Variants in CMTM4 observed in about 807,000 individuals in gnomAD.
The protein encoded by CMTM4 is CKLF like MARVEL transmembrane domain containing 4.
CMTM4 carries 8 observed loss-of-function variants against 19.0 expected under a neutral mutation model. That is an observed-to-expected ratio of 0.42 (90% confidence interval 0.25 to 0.76). The LOEUF (loss-of-function observed/expected upper bound fraction) is 0.76, where lower values mean the gene tolerates loss of function less well. Among genes scored for constraint, CMTM4 ranks in the 30% least tolerant of loss-of-function variants. The probability of loss-of-function intolerance (pLI) is 0.27; values close to 1 mark genes in which losing one functional copy is unlikely to be tolerated. For synonymous variants in CMTM4, 106 were observed against 121.1 expected (o/e 0.88, Z 0.82); for missense variants, 228 against 290.2 (o/e 0.79, Z 1.56).
the CMTM4 span, chr16:66,605,074 C>T: frequency 4.3e-6 from 4 of 925,074 alleles, no homozygotes; most frequent in Non-Finnish European, 5.7e-6. This position sits in a 1 kb window ranked among gnomAD's most constrained non-coding sequence, Gnocchi z 4.6. Flanking sequence ...CTCTCCGCGC[C>T]GCCTCGGCCG....
the CMTM4 span, chr16:66,604,820 C>G: frequency 1.5e-6 from 2 of 1,301,902 alleles, no homozygotes; most frequent in African/African-American, 3.1e-5. Flanking sequence ...GGCCCCCAGA[C>G]CCCGACCCCG....
In CMTM4 at chr16:66,621,476, C is replaced by T; in HGVS notation, c.*582G>A. The T allele has an allele frequency of 1.0e-6, 1 of 986,038 alleles. No individual in the cohort carries two copies. The highest frequency in any genetic ancestry group is 1.2e-6 in the Non-Finnish European group (1 of 830,066). 61.1% of individuals were successfully genotyped at this position (986,038 alleles called of 1,614,324 possible). ...CTCAGCAGAGTAGGAAACAAAAGGT[C>T]ACCCTTCCTTGAGTCAGAGGTCCCT... is the stretch of plus-strand genomic sequence containing the variant. On this transcript the variant is annotated 3_prime_UTR_variant, in exon 4 of 4. Coordinates refer to ENST00000394106, the MANE Select transcript of CMTM4 (RefSeq NM_181521.3).
At chr16:66,685,499 C>T (rs570244130) in intron 1 of CMTM4, among the ~76,000 whole-genome samples, 118 of 152,144 alleles carry the variant, frequency 7.8e-4, no homozygotes, top group African/African-American at 2.8e-3. Flanking sequence ...CTGTACAGCA[C>T]GACTTTAGGC....
At position 66,617,227 on chromosome 16, in the gene CMTM4, T is replaced by C. The variant is rs768048815; in HGVS notation, c.*4831A>G. On this transcript the variant is annotated 3_prime_UTR_variant, in exon 4 of 4. Transcript: ENST00000394106. ...AAAAAAACAAACATAGACAACAAAC[T>C]TACCCTATGAAATAGATACACAGTT... 5.1e-6 allele frequency: 8 copies of C among 1,574,672 alleles called. No individual in the cohort carries two copies. In the East Asian group the frequency reaches 1.8e-4, roughly 35 times the overall value.
At chr16:66,655,533 G>A (rs2016383314) in intron 1 of CMTM4, among the ~76,000 whole-genome samples, 1 of 151,692 alleles carries the variant, frequency 6.6e-6, no homozygotes, top group Non-Finnish European at 1.5e-5. Flanking sequence ...GTGTGTGTGT[G>A]TGTGTGTGTG....
chr16:66,624,042 C>T (rs920124202), intron 2 of CMTM4, among the ~76,000 whole-genome samples: 2 of 152,222 alleles, frequency 1.3e-5, no homozygotes, highest in Non-Finnish European at 2.9e-5. Flanking sequence ...ATGCATCCAC[C>T]GTTTCACAGA....
chr16:66,639,020 A>G (rs1040614209), intron 1 of CMTM4, among the ~76,000 whole-genome samples: 1 of 152,182 alleles, frequency 6.6e-6, no homozygotes, highest in Non-Finnish European at 1.5e-5. Context: ...CATGCTGTAC[A>G]CAGTAAATAT....
At chr16:66,681,065 T>A (rs1372915068) in intron 1 of CMTM4, among the ~76,000 whole-genome samples, 1 of 152,124 alleles carries the variant, frequency 6.6e-6, no homozygotes, top group East Asian at 1.9e-4. Context: ...AAAAGTAGAA[T>A]TTGGATAGTA....
chr16:66,687,889 G>A (rs1370115793), intron 1 of CMTM4, among the ~76,000 whole-genome samples: 4 of 151,894 alleles, frequency 2.6e-5, no homozygotes, highest in African/African-American at 9.7e-5. Flanking sequence ...GGGTTTCACC[G>A]TGTTAGCCAG....
intron 1 of CMTM4, among the ~76,000 whole-genome samples, chr16:66,674,622 ACGAGTCAGCAAG>A (rs1209930691): frequency 6.6e-6 from 1 of 152,056 alleles, no homozygotes; most frequent in African/African-American, 2.4e-5. Context: ...TCTCATCGAA[ACGAGTCAGCAAG>A]CTACCTGTGT....
At chr16:66,681,787 C>A (rs1216731029) in intron 1 of CMTM4, among the ~76,000 whole-genome samples, 1 of 152,128 alleles carries the variant, frequency 6.6e-6, no homozygotes. Context: ...CTCATCTTGC[C>A]CCATTTGTCA....
chr16:66,642,798 G>A (rs762393501), intron 1 of CMTM4, among the ~76,000 whole-genome samples: 5 of 152,182 alleles, frequency 3.3e-5, no homozygotes, highest in Admixed American at 1.3e-4. Context: ...ATTATGATTG[G>A]CAGCATCTAA....
chr16:66,671,719 T>A (rs1259860977), intron 1 of CMTM4, among the ~76,000 whole-genome samples: 1 of 152,180 alleles, frequency 6.6e-6, no homozygotes, highest in East Asian at 1.9e-4. Flanking sequence ...GGGAAAACTC[T>A]ACCCAAATAG....
intron 1 of CMTM4, among the ~76,000 whole-genome samples, chr16:66,683,785 T>G: frequency 6.7e-6 from 1 of 149,042 alleles, no homozygotes; most frequent in South Asian, 2.2e-4. Context: ...CAGAGTGGGG[T>G]GGGGGAGTGT....
In CMTM4 at chr16:66,622,831, C is replaced by T. The variant is rs1311928520; in HGVS notation, c.462+573G>A. On this transcript the variant is annotated intron_variant, in intron 3 of 3. Coordinates refer to ENST00000394106, the MANE Select transcript of CMTM4 (RefSeq NM_181521.3). This position sits in a 1 kb window ranked among gnomAD's most constrained non-coding sequence, Gnocchi z 4.0. ...TAAGACTTACAAATCGCCTGAGTGGCACCTGGGAGAGCAGTTCGTTTAATC... is the reference window on the plus strand; with the variant it reads ...TAAGACTTACAAATCGCCTGAGTGGTACCTGGGAGAGCAGTTCGTTTAATC... 6.6e-6 allele frequency among the ~76,000 whole-genome samples: 1 copy of T among 152,200 alleles called. No individual in the cohort carries two copies. Among genetic ancestry groups the T allele is most frequent in the Non-Finnish European group, 1.5e-5 (1 of 68,032 alleles).
chr16:66,651,095 T>A (rs1269047770), intron 1 of CMTM4, among the ~76,000 whole-genome samples: 1 of 152,082 alleles, frequency 6.6e-6, no homozygotes, highest in East Asian at 1.9e-4. Context: ...CTGGAAGACC[T>A]CAGAATGTGC....
At chr16:66,613,972 G>A (rs1354460813), downstream of CMTM4, 2 of 150,614 alleles carry the variant, frequency 1.3e-5, no homozygotes, top group African/African-American at 4.9e-5. Flanking sequence ...GGGTTGGCGG[G>A]TGGGTTGGGG....
intron 1 of CMTM4, among the ~76,000 whole-genome samples, chr16:66,694,522 G>A (rs1596971568): frequency 6.6e-6 from 1 of 151,742 alleles, no homozygotes; most frequent in Non-Finnish European, 1.5e-5. Context: ...AGCCTGGCCA[G>A]GCCAACACAG....
intron 1 of CMTM4, among the ~76,000 whole-genome samples, chr16:66,641,819 T>A (rs1337828220): frequency 5.3e-5 from 8 of 152,216 alleles, no homozygotes; most frequent in Admixed American, 5.2e-4. Flanking sequence ...TAACATGTTA[T>A]AACCTACACC....
Sources: allele counts gnomAD v4.1 joint callset (sites outside exome capture counted in the v4.1 genomes callset), GRCh38; gene constraint gnomAD v4.1.1; non-coding constraint Gnocchi (gnomAD v3.1); transcripts MANE v1.5; gene names NCBI Gene and HGNC (gene_info 2026-07-23, HGNC 2026-07-21).